The following ZBBX variants were observed in gnomAD, a reference collection of about 807,000 sequenced individuals.
ZBBX encodes zinc finger B-box domain containing.
Under a neutral mutation model 108.5 loss-of-function variants are expected in ZBBX, and 101 were observed. The observed-to-expected ratio is 0.93, with a 90% CI of 0.79 to 1.10. ZBBX has a LOEUF of 1.10. Ranked by LOEUF, ZBBX falls within the 50% of genes least tolerant of loss-of-function variation. ZBBX has a pLI of 0.00. For synonymous variants in ZBBX, 356 were observed against 323.4 expected, an observed-to-expected ratio of 1.10 and a Z score of -1.08; for missense variants, 1,009 against 941.4, an observed-to-expected ratio of 1.07 and a Z score of -0.94.
At chr3:167,232,861 G>T in the ZBBX span, among the ~76,000 whole-genome samples, 1 of 151,792 alleles carries the variant, frequency 6.6e-6, no homozygotes, top group African/African-American at 2.4e-5. Flanking sequence ...AAGAGGTCTG[G>T]TGAGAACACC....
intron 1 of ZBBX, chr3:167,401,379 C>A (rs898111015): frequency 2.0e-5 from 3 of 151,986 alleles, no homozygotes; most frequent in Non-Finnish European, 4.4e-5. Flanking sequence ...GCTCTTGGAT[C>A]TCGTGTAAGA....
rs950373818 is a variant in ZBBX, at chr3:167,350,292, T to C, written c.528+128A>G. 74 of 627,074 alleles carry C rather than the reference T, an allele frequency of 1.2e-4. No individual in the cohort carries two copies. The African/African-American group carries it at 1.3e-3, about 11-fold the overall frequency. 38.8% of individuals were successfully genotyped at this position (627,074 alleles called of 1,614,324 possible). A position where few individuals can be genotyped will look rare whatever the true frequency, so the allele number is the denominator to read the frequency against. Reference sequence around the variant, plus strand: ...TAAAAATATGCATCAGGATTGTCTGTATATAATAGAATTTTAGAAATTAGC... The same window carrying C: ...TAAAAATATGCATCAGGATTGTCTGCATATAATAGAATTTTAGAAATTAGC... On this transcript the variant is annotated intron_variant, in intron 9 of 21. Transcript: ENST00000675490.
the ZBBX span, among the ~76,000 whole-genome samples, chr3:167,204,175 A>C: frequency 6.6e-6 from 1 of 150,522 alleles, no homozygotes; most frequent in Admixed American, 6.6e-5. Context: ...ATAATGCAGA[A>C]GAAAAATCAA....
At chr3:167,398,649 GA>G (rs1376476375) in intron 1 of ZBBX, among the ~76,000 whole-genome samples, 1 of 151,864 alleles carries the variant, frequency 6.6e-6, no homozygotes, top group East Asian at 1.9e-4. Flanking sequence ...GATAGCACGT[GA>G]AAAAAATTCT....
At position 167,386,651 on chromosome 3, in the gene ZBBX, C is replaced by A. The variant is rs576455136; in HGVS notation, c.-445-6246G>T. ...AGTTTAGCTGTGCCAGTTTTGCCAG[C>A]AAACAATTATTTATAATTGATATAG... On this transcript the variant is annotated intron_variant, in intron 1 of 21. Coordinates refer to the ZBBX transcript ENST00000455345. Among the ~76,000 whole-genome samples, 31 of 151,994 alleles carry A rather than the reference C, an allele frequency of 2.0e-4. 1 individual carries two copies. The highest frequency in any genetic ancestry group is 7.2e-4 in the African/African-American group (30 of 41,502).
chr3:167,268,584 T>G (rs1368162799), intron 20 of ZBBX, among the ~76,000 whole-genome samples: 1 of 152,098 alleles, frequency 6.6e-6, no homozygotes, highest in African/African-American at 2.4e-5. Flanking sequence ...GAGGGGCCTA[T>G]GAAATTTCTA....
At chr3:167,275,930 C>T (rs1477720224) in intron 20 of ZBBX, among the ~76,000 whole-genome samples, 3 of 152,110 alleles carry the variant, frequency 2.0e-5, no homozygotes, top group African/African-American at 7.2e-5. Flanking sequence ...AGCTGGAGAT[C>T]TGAGAACGGG....
chr3:167,230,643 G>A, the ZBBX span, among the ~76,000 whole-genome samples: 3 of 151,758 alleles, frequency 2.0e-5, no homozygotes, highest in Non-Finnish European at 2.9e-5. Context: ...CCTTGAGTCC[G>A]AACAACAGCA....
intron 20 of ZBBX, among the ~76,000 whole-genome samples, chr3:167,277,178 T>C (rs184708865): frequency 6.7e-5 from 10 of 149,266 alleles, no homozygotes; most frequent in African/African-American, 2.2e-4. Context: ...AGGAAGAAAC[T>C]GCATCAACTA....
chr3:167,266,641 G>A (rs901517297), intron 20 of ZBBX, among the ~76,000 whole-genome samples: 10 of 152,188 alleles, frequency 6.6e-5, no homozygotes, highest in African/African-American at 2.4e-4. Context: ...CAGAAATAGG[G>A]ATGACGTTAA....
In ZBBX at chr3:167,404,953, T is replaced by C. The variant is rs148020272; in HGVS notation, c.-446+2773A>G. On this transcript the variant is annotated intron_variant, in intron 1 of 21. Transcript: ENST00000455345. Reference sequence around the variant, plus strand: ...GAATGAAGCTAATAAACTGGAGATATATTTGGTGTTTGAAAATAATAGAAA... The same window carrying C: ...GAATGAAGCTAATAAACTGGAGATACATTTGGTGTTTGAAAATAATAGAAA... 3.6e-3 allele frequency among the ~76,000 whole-genome samples: 550 copies of C among 152,234 alleles called. 3 individuals carry two copies. The highest frequency in any genetic ancestry group is 0.013 in the African/African-American group (531 of 41,550).
the ZBBX span, among the ~76,000 whole-genome samples, chr3:167,211,969 A>G: frequency 1.2e-4 from 18 of 152,178 alleles, no homozygotes; most frequent in African/African-American, 4.3e-4. Context: ...GCACAGCTGC[A>G]CTATAAAAAT....
downstream of ZBBX, among the ~76,000 whole-genome samples, chr3:167,238,318 T>A (rs1173903958): frequency 6.6e-6 from 1 of 152,046 alleles, no homozygotes; most frequent in African/African-American, 2.4e-5. Flanking sequence ...AAGAGGGCAG[T>A]AATAATTGTG....
At chr3:167,371,873 C>A (rs1271936923) in intron 4 of ZBBX, among the ~76,000 whole-genome samples, 1 of 152,054 alleles carries the variant, frequency 6.6e-6, no homozygotes, top group Non-Finnish European at 1.5e-5. Context: ...ACCAAATAAC[C>A]ACAAAACTAT....
intron 14 of ZBBX, 29 bp from the exon 15 acceptor site, chr3:167,315,858 G>T: frequency 7.1e-7 from 1 of 1,400,340 alleles, no homozygotes; most frequent in Non-Finnish European, 9.8e-7. Context: ...TATAATATTA[G>T]TAAGTTCATA....
At chr3:167,339,724 C>T (rs931313664) in intron 9 of ZBBX, among the ~76,000 whole-genome samples, 1 of 152,010 alleles carries the variant, frequency 6.6e-6, no homozygotes, top group Admixed American at 6.6e-5. Context: ...CATAGGTGTA[C>T]GTGTGCCATG....
chr3:167,317,049 T>G lies in ZBBX; in HGVS notation c.1150A>C (p.Ile384Leu). The G allele has an allele frequency of 6.2e-7, 1 of 1,610,962 alleles. No homozygotes were observed. The highest frequency in any genetic ancestry group is 8.5e-7 in the Non-Finnish European group (1 of 1,178,076). ...ALLLPVETLN[I>L]ERPEPSLKIV... ...TTTAGAGATGGTTCAGGTCTCTCTA[T>G]GTTTAATGTTTCTACTGGCAATAAA... is the stretch of plus-strand genomic sequence containing the variant. Residue 384 changes from isoleucine to leucine, a missense_variant, in exon 14 of 22, where the codon ATA (isoleucine) becomes CTA (leucine). Ile to Leu is a conservative substitution (Grantham distance 5, BLOSUM62 2). Coordinates refer to ENST00000675490, the MANE Select transcript of ZBBX (RefSeq NM_001199201.2).
chr3:167,295,891 A>G lies in ZBBX; in HGVS notation c.1879+2414T>C, dbSNP rs111471986. On this transcript the variant is annotated intron_variant, in intron 18 of 21. Transcript: ENST00000675490. ...TAACACCAGTCCTCAAACTTTTCCA[A>G]AAGATTGAAGAGGAGGGACATCAAC... Among the ~76,000 whole-genome samples, 1,371 of 151,078 alleles carry G rather than the reference A, an allele frequency of 9.1e-3. 16 individuals carry two copies. Among genetic ancestry groups the G allele is most frequent in the African/African-American group, 0.031 (1,272 of 41,294 alleles).
At position 167,359,018 on chromosome 3, in the gene ZBBX, T is replaced by C. The variant is rs755719951; in HGVS notation, c.432+852A>G. 4.0e-5 allele frequency among the ~76,000 whole-genome samples: 6 copies of C among 148,174 alleles called. No homozygotes were observed. In the South Asian group the frequency reaches 8.6e-4, roughly 21 times the overall value. ...AAAAAAAGACATACACAAATGTCCA[T>C]AGCAGCCTTAAACATAATAGCAAAA... On this transcript the variant is annotated intron_variant, in intron 8 of 21. Coordinates refer to ENST00000675490, the MANE Select transcript of ZBBX (RefSeq NM_001199201.2).
Sources: allele counts gnomAD v4.1 joint callset (sites outside exome capture counted in the v4.1 genomes callset), GRCh38; gene constraint gnomAD v4.1.1; transcripts MANE v1.5; gene names NCBI Gene and HGNC (gene_info 2026-07-23, HGNC 2026-07-21).